Variants in CA10 observed in about 807,000 individuals in gnomAD.
The protein encoded by CA10 is carbonic anhydrase 10 (inactive).
A neutral mutation model predicts 44.2 loss-of-function variants in CA10; 14 were observed. The ratio of observed to expected loss-of-function variants is 0.32; its 90% CI spans 0.21 to 0.50. The LOEUF is 0.50. Ranked by LOEUF, CA10 falls within the 20% of genes least tolerant of loss-of-function variation. The probability of loss-of-function intolerance (pLI) is 0.99; values close to 1 mark genes in which losing one functional copy is unlikely to be tolerated. For synonymous variants in CA10, 159 were observed against 141.6 expected, an observed-to-expected ratio of 1.12 and a Z score of -0.87; for missense variants, 350 against 409.7, an observed-to-expected ratio of 0.85 and a Z score of 1.26.
intron 3 of CA10, among the ~76,000 whole-genome samples, chr17:51,822,030 A>T (rs1472014743): frequency 6.6e-6 from 1 of 152,138 alleles, no homozygotes; most frequent in Non-Finnish European, 1.5e-5. Context: ...GTTTTTACAG[A>T]GACTTTGACA....
At chr17:51,898,539 G>T (rs1981172608) in intron 3 of CA10, among the ~76,000 whole-genome samples, 2 of 151,906 alleles carry the variant, frequency 1.3e-5, no homozygotes, top group Admixed American at 6.6e-5. Context: ...CTTCCTGTTT[G>T]TTTGGTCAGA....
intron 2 of CA10, among the ~76,000 whole-genome samples, chr17:51,999,335 T>G (rs1456026836): frequency 6.6e-6 from 1 of 151,998 alleles, no homozygotes; most frequent in Non-Finnish European, 1.5e-5. Flanking sequence ...AAATGAAGGA[T>G]ATGTGTTGCG....
At chr17:51,753,610 C>T (rs12945752) in intron 3 of CA10, among the ~76,000 whole-genome samples, 4,854 of 152,164 alleles carry the variant, frequency 0.032, 116 homozygotes, top group South Asian at 0.095. Flanking sequence ...TGTTAATCAT[C>T]ACAATTTCTC....
At chr17:51,780,227 T>C (rs188333467) in intron 3 of CA10, among the ~76,000 whole-genome samples, 80 of 152,290 alleles carry the variant, frequency 5.3e-4, no homozygotes, top group Admixed American at 4.8e-3. Context: ...ACTTCAGTCA[T>C]AGACATCAGA....
chr17:51,844,740 C>T (rs1349170106), intron 3 of CA10, among the ~76,000 whole-genome samples: 2 of 152,104 alleles, frequency 1.3e-5, no homozygotes, highest in Non-Finnish European at 2.9e-5. Context: ...AGCCTAATTC[C>T]CCTCTTCTTG....
At chr17:51,853,343 G>C (rs1012135133) in intron 3 of CA10, among the ~76,000 whole-genome samples, 1 of 152,162 alleles carries the variant, frequency 6.6e-6, no homozygotes, top group Non-Finnish European at 1.5e-5. Flanking sequence ...GCTGGACAAG[G>C]GCTGGTCTGT....
intron 4 of CA10, among the ~76,000 whole-genome samples, chr17:51,654,702 G>A (rs113335834): frequency 0.12 from 18,270 of 151,930 alleles, 1,438 homozygotes; most frequent in Non-Finnish European, 0.17. Flanking sequence ...GACTACAGGC[G>A]CATGTCACCA....
intron 3 of CA10, among the ~76,000 whole-genome samples, chr17:51,827,347 CACACACAT>C (rs939529851): frequency 3.8e-4 from 57 of 151,590 alleles, no homozygotes; most frequent in South Asian, 3.8e-3. Flanking sequence ...CACACACACA[CACACACAT>C]ACACACACAC....
chr17:52,104,243 G>A (rs1988608362), intron 1 of CA10, among the ~76,000 whole-genome samples: 1 of 150,764 alleles, frequency 6.6e-6, no homozygotes, highest in East Asian at 2.0e-4. Flanking sequence ...TGTCACCTAG[G>A]CTGAAGTGCA....
At chr17:51,697,236 G>A (rs753076864) in intron 4 of CA10, among the ~76,000 whole-genome samples, 1 of 152,182 alleles carries the variant, frequency 6.6e-6, no homozygotes, top group Non-Finnish European at 1.5e-5. Flanking sequence ...GCTTCATGGT[G>A]AGGATTAAAC....
chr17:51,959,797 G>GA (rs3062037), intron 2 of CA10, among the ~76,000 whole-genome samples: 10,881 of 112,318 alleles, frequency 0.097, 684 homozygotes, highest in South Asian at 0.21. Context: ...CTGCTAAGAT[G>GA]AAAAAAAAAA....
chr17:51,657,160 CAGG>C (rs1202954057), intron 4 of CA10, among the ~76,000 whole-genome samples: 1 of 152,078 alleles, frequency 6.6e-6, no homozygotes, highest in African/African-American at 2.4e-5. Flanking sequence ...GAAGAGGCAC[CAGG>C]AGATTTCCCC....
At chr17:52,007,879 TG>T (rs1985655453) in intron 2 of CA10, among the ~76,000 whole-genome samples, 1 of 151,600 alleles carries the variant, frequency 6.6e-6, no homozygotes, top group South Asian at 2.1e-4. Context: ...TAATAGCTAC[TG>T]GTTCGTTTTG....
intron 4 of CA10, among the ~76,000 whole-genome samples, chr17:51,736,323 C>T (rs993569242): frequency 6.6e-6 from 1 of 152,210 alleles, no homozygotes; most frequent in Non-Finnish European, 1.5e-5. Flanking sequence ...CCTAGAGAGG[C>T]AGCTGCAACA....
At chr17:51,754,441 A>G (rs1158372429) in intron 3 of CA10, among the ~76,000 whole-genome samples, 1 of 115,680 alleles carries the variant, frequency 8.6e-6, no homozygotes, top group East Asian at 2.7e-4. Flanking sequence ...ATATATATAT[A>G]TATATATCAC....
At chr17:51,747,987 C>A (rs2143607018) in intron 3 of CA10, among the ~76,000 whole-genome samples, 169 bp from the exon 4 acceptor site, 1 of 152,220 alleles carries the variant, frequency 6.6e-6, no homozygotes, top group Non-Finnish European at 1.5e-5. Context: ...TATGTGGGAT[C>A]TATGGTAATT....
At chr17:51,884,422 T>A (rs1980509008) in intron 3 of CA10, among the ~76,000 whole-genome samples, 1 of 152,180 alleles carries the variant, frequency 6.6e-6, no homozygotes, top group African/African-American at 2.4e-5. Flanking sequence ...GAACGGGTTG[T>A]CTTGAGATCT....
chr17:52,088,926 TATATACAA>T, intron 1 of CA10, among the ~76,000 whole-genome samples: 1 of 152,304 alleles, frequency 6.6e-6, no homozygotes, highest in East Asian at 1.9e-4. Flanking sequence ...CACTATAGAT[TATATACAA>T]ATCTGTCAAT....
At chr17:52,129,286 T>C (rs1989182493) in intron 1 of CA10, among the ~76,000 whole-genome samples, 1 of 152,198 alleles carries the variant, frequency 6.6e-6, no homozygotes, top group African/African-American at 2.4e-5. Context: ...AGCAAAAAGC[T>C]TCTTGTAGCA....
Sources: gnomAD v4.1 joint callset for allele counts (sites outside exome capture counted in the v4.1 genomes callset) on GRCh38, gnomAD v4.1.1 for gene constraint, MANE v1.5 for transcripts, NCBI Gene and HGNC (gene_info 2026-07-23, HGNC 2026-07-21) for gene names.